KSR1: variants seen among roughly 807,000 people sequenced by gnomAD.
The protein encoded by KSR1 is kinase suppressor of ras.
In KSR1, 35 loss-of-function variants were observed where a neutral mutation model predicts 92.9. That is an observed-to-expected ratio of 0.38 (90% CI 0.29 to 0.50). The LOEUF (loss-of-function observed/expected upper bound fraction) is 0.50. Among genes scored for constraint, KSR1 ranks in the 20% least tolerant of loss-of-function variants. The pLI is 0.94. For missense variants in KSR1, 972 were observed against 1,158.5 expected, an observed-to-expected ratio of 0.84 and a Z score of 2.34; for synonymous variants, 467 against 472.6, an observed-to-expected ratio of 0.99 and a Z score of 0.15.
rs557566860 is a variant in KSR1 at position 27,577,383 on chromosome 17, C to T, written c.373-109C>T. ...TGGTGGCTCTGGTCAGAGGCCGGCCCAGCCAGCAGCTGGCCCCTGCCACTC... is the reference window on the plus strand; with the variant it reads ...TGGTGGCTCTGGTCAGAGGCCGGCCTAGCCAGCAGCTGGCCCCTGCCACTC... On this transcript the variant is annotated intron_variant, in intron 2 of 20. Transcript: ENST00000644974. This position sits in a 1 kb window ranked among gnomAD's most constrained non-coding sequence, Gnocchi z 4.5. 67 of 676,146 alleles carry T rather than the reference C, an allele frequency of 9.9e-5. No homozygotes were observed. The African/African-American group carries it at 1.1e-3, about 11-fold the overall frequency. The allele number at this position is 676,146 out of a possible 1,614,324, so 41.9% of individuals were successfully genotyped here.
At chr17:27,609,368 T>C (rs1304428098) in intron 16 of KSR1, 39 bp downstream of exon 16, 1 of 1,610,426 alleles carries the variant, frequency 6.2e-7, no homozygotes, top group Non-Finnish European at 8.5e-7. Context: ...TTGTGGGTGC[T>C]GGATGGGGAA....
rs556062538 is a variant in KSR1, at chr17:27,611,885, A to G, written c.2493+256A>G. ...CCTTTCAGTCTTTTTTTTTTCTTAA[A>G]GATAATGGTTTTCATTGATTTATGA... is the stretch of plus-strand genomic sequence containing the variant. On this transcript the variant is annotated intron_variant, in intron 18 of 20. Transcript: ENST00000644974. 3.9e-5 allele frequency among the ~76,000 whole-genome samples: 6 copies of G among 152,164 alleles called. No homozygotes were observed. In the East Asian group the frequency reaches 1.2e-3, roughly 29 times the overall value.
chr17:27,481,105 C>G (rs1255123903), intron 1 of KSR1, among the ~76,000 whole-genome samples: 2 of 152,112 alleles, frequency 1.3e-5, no homozygotes, highest in African/African-American at 4.8e-5. Context: ...GACATGAAAC[C>G]ATATACCTCA....
chr17:27,534,740 C>G (rs8072166), intron 1 of KSR1, among the ~76,000 whole-genome samples: 1,992 of 152,238 alleles, frequency 0.013, 40 homozygotes, highest in African/African-American at 0.044. Context: ...GTGCACAGGG[C>G]CTAGGGGGAT....
At position 27,580,795 on chromosome 17, in the gene KSR1, A is replaced by G. The variant is rs183794405; in HGVS notation, c.521-1851A>G. The stretch of plus-strand genomic sequence containing the variant: ...ATACCTGAAACTGGATTGGTTATTT[A>G]TTTATTTATGAGACGGCCTGGAGTG... On this transcript the variant is annotated intron_variant, in intron 3 of 20. Coordinates refer to ENST00000644974, the MANE Select transcript of KSR1 (RefSeq NM_001394583.1). 3.0e-3 allele frequency among the ~76,000 whole-genome samples: 456 copies of G among 152,142 alleles called. 2 individuals carry two copies. Among genetic ancestry groups the G allele is most frequent in the African/African-American group, 0.01 (427 of 41,486 alleles).
At chr17:27,458,806 C>A (rs1209693892) in intron 1 of KSR1, among the ~76,000 whole-genome samples, 1 of 151,962 alleles carries the variant, frequency 6.6e-6, no homozygotes, top group Non-Finnish European at 1.5e-5. Flanking sequence ...GGAGTGAGTT[C>A]CATGGGGCTG....
intron 1 of KSR1, among the ~76,000 whole-genome samples, chr17:27,482,079 T>G (rs929805078): frequency 1.3e-5 from 2 of 152,144 alleles, no homozygotes; most frequent in African/African-American, 4.8e-5. Flanking sequence ...GTAAAAAGCA[T>G]AAATGTTGTT....
chr17:27,603,839 T>A lies in KSR1; in HGVS notation c.1516T>A (p.Ser506Thr). 6.2e-7 allele frequency: 1 copy of A among 1,613,982 alleles called. No individual in the cohort carries two copies. The highest frequency in any genetic ancestry group is 8.5e-7 in the Non-Finnish European group (1 of 1,179,878). Residue 506 changes from serine (S) to threonine (T), a missense_variant, in exon 12 of 21, where the codon TCA becomes ACA. This residue lies in a region of KSR1 where 611 missense variants were observed against 668.0 expected (regional missense o/e 0.91). Transcript: ENST00000644974. ...TTGGTTTTTGTTTCCTCCAGACATT[T>A]CAGCCTTTGCACACGCAGCCCCGCT... ...HRQQFIFPDI[S>T]AFAHAAPLPE...
At chr17:27,603,788 G>C in intron 11 of KSR1, 46 bp from the exon 12 acceptor site, 1 of 1,598,104 alleles carries the variant, frequency 6.3e-7, no homozygotes, top group Non-Finnish European at 8.6e-7. Context: ...TCTTTGGGGA[G>C]AGGAAAGCAA....
At chr17:27,571,027 C>T (rs1005324797) in intron 2 of KSR1, among the ~76,000 whole-genome samples, 1 of 152,178 alleles carries the variant, frequency 6.6e-6, no homozygotes, top group African/African-American at 2.4e-5. Context: ...GGGACTTGTC[C>T]GAGGTCAGGG....
At chr17:27,585,517 T>C (rs1598085935) in intron 4 of KSR1, 140 bp from the exon 5 acceptor site, 1 of 699,310 alleles carries the variant, frequency 1.4e-6, no homozygotes, top group Non-Finnish European at 2.7e-6. Flanking sequence ...CCAGAGTCAA[T>C]CAGCCAGTCT....
At chr17:27,507,563 CTTTTTTTTTTTTTTTT>C (rs751092460) in intron 1 of KSR1, among the ~76,000 whole-genome samples, 3 of 43,298 alleles carry the variant, frequency 6.9e-5, no homozygotes, top group Admixed American at 3.6e-4. Context: ...TATTGTTTGG[CTTTTTTTTTTTTTTTT>C]TTTTTTTTTT....
At chr17:27,501,434 A>T (rs1014383617) in intron 1 of KSR1, among the ~76,000 whole-genome samples, 4 of 151,346 alleles carry the variant, frequency 2.6e-5, no homozygotes, top group Middle Eastern at 3.4e-3. Context: ...GAATTTTAAT[A>T]GCTGAGACAA....
At chr17:27,547,608 T>A (rs1365277900) in intron 1 of KSR1, among the ~76,000 whole-genome samples, 6 of 152,060 alleles carry the variant, frequency 3.9e-5, no homozygotes, top group Admixed American at 6.5e-5. Context: ...CTATCACAGG[T>A]TTTTTTTGTT....
chr17:27,589,504 C>T (rs1427866465), intron 6 of KSR1, among the ~76,000 whole-genome samples: 1 of 152,204 alleles, frequency 6.6e-6, no homozygotes, highest in Non-Finnish European at 1.5e-5. Flanking sequence ...TGGCTGCACA[C>T]TAAGAATCCT....
At chr17:27,520,515 C>G (rs932677138) in intron 1 of KSR1, among the ~76,000 whole-genome samples, 7 of 152,158 alleles carry the variant, frequency 4.6e-5, no homozygotes, top group Admixed American at 2.0e-4. Context: ...TGTTGTGTCC[C>G]CAAGGCATTT....
At chr17:27,522,806 G>C (rs2070096039) in intron 1 of KSR1, among the ~76,000 whole-genome samples, 1 of 152,252 alleles carries the variant, frequency 6.6e-6, no homozygotes, top group Non-Finnish European at 1.5e-5. Flanking sequence ...CACTCTGAAT[G>C]CTGGCTGCCC....
intron 19 of KSR1, 50 bp downstream of exon 19, chr17:27,617,478 C>A: frequency 6.3e-7 from 1 of 1,577,744 alleles, no homozygotes; most frequent in South Asian, 1.1e-5. Context: ...CTCGCAGCCT[C>A]ACCTGGGGTC....
At chr17:27,486,228 C>A (rs2068659784) in intron 1 of KSR1, among the ~76,000 whole-genome samples, 2 of 152,210 alleles carry the variant, frequency 1.3e-5, no homozygotes, top group South Asian at 4.1e-4. Flanking sequence ...CGAGGATTTT[C>A]TTTAATGTAA....
Sources: allele counts gnomAD v4.1 joint callset (sites outside exome capture counted in the v4.1 genomes callset), GRCh38; gene constraint gnomAD v4.1.1; regional missense constraint gnomAD v4.1.1; non-coding constraint Gnocchi (gnomAD v3.1); transcripts MANE v1.5; gene names NCBI Gene and HGNC (gene_info 2026-07-23, HGNC 2026-07-21).